PWP1: variants seen among roughly 807,000 people sequenced by gnomAD.
PWP1 encodes periodic tryptophan protein 1 homolog.
Under a neutral mutation model 69.9 loss-of-function variants are expected in PWP1, and 47 were observed. The observed-to-expected ratio is 0.67, with a 90% confidence interval of 0.53 to 0.86. The LOEUF is 0.86. PWP1 is among the 40% of genes least tolerant of loss of function. PWP1 has a pLI of 0.00. For missense variants in PWP1, 551 were observed against 608.8 expected (o/e 0.91, Z 1.00); for synonymous variants, 222 against 208.2 (o/e 1.07, Z -0.57).
chr12:107,703,856 G>T, intron 10 of PWP1, 110 bp downstream of exon 10: 1 of 987,416 alleles, frequency 1.0e-6, no homozygotes, highest in Admixed American at 2.0e-5. Context: ...CCACCTTTAT[G>T]TTTAAATTAT....
intron 13 of PWP1, among the ~76,000 whole-genome samples, chr12:107,710,030 T>C (rs1479577021): frequency 1.3e-5 from 2 of 152,180 alleles, no homozygotes; most frequent in African/African-American, 4.8e-5. Context: ...AAAACAAAGT[T>C]TAAAAATGAT....
intron 8 of PWP1, among the ~76,000 whole-genome samples, chr12:107,699,711 A>C (rs150864562): frequency 6.6e-6 from 1 of 152,204 alleles, no homozygotes; most frequent in Non-Finnish European, 1.5e-5. Flanking sequence ...GGCAGTGCCC[A>C]TGGTGCAGTA....
Position 107,709,174 on chromosome 12 carries a change from A to G in PWP1, c.1232A>G (p.Lys411Arg), listed in dbSNP as rs1239082432. The change falls in exon 13 of 15, where the codon AAG (lysine) becomes AGG (arginine). Residue 411 changes from lysine to arginine, a missense_variant. By Grantham distance (26) the Lys-to-Arg change is conservative. Transcript: ENST00000412830. ...LVTASADKYV[K>R]IWDILGDRPS... ...ACTGCTTCAGCTGACAAATACGTGA[A>G]GATCTGGGACATCTTAGGAGATAGG... The G allele has an allele frequency of 1.9e-6, 3 of 1,613,858 alleles. No individual in the cohort carries two copies. Among genetic ancestry groups the G allele is most frequent in the Non-Finnish European group, 2.5e-6 (3 of 1,179,878 alleles).
intron 5 of PWP1, among the ~76,000 whole-genome samples, chr12:107,693,593 C>T (rs558071340): frequency 2.0e-5 from 3 of 152,038 alleles, no homozygotes; most frequent in South Asian, 2.1e-4. Context: ...AGGCTGGGTG[C>T]GGTGTCTCAC....
At chr12:107,705,029 A>C (rs886713219) in intron 11 of PWP1, among the ~76,000 whole-genome samples, 1 of 152,112 alleles carries the variant, frequency 6.6e-6, no homozygotes, top group Non-Finnish European at 1.5e-5. Context: ...TTGAAATACT[A>C]AGCATAGTTA....
intron 11 of PWP1, among the ~76,000 whole-genome samples, chr12:107,707,298 T>A (rs1434459390): frequency 1.3e-5 from 2 of 152,222 alleles, no homozygotes; most frequent in East Asian, 3.8e-4. Flanking sequence ...GATTTTGGGC[T>A]GAGACAATGG....
chr12:107,692,313 A>T (rs775169683), intron 3 of PWP1, among the ~76,000 whole-genome samples: 1 of 152,248 alleles, frequency 6.6e-6, no homozygotes, highest in African/African-American at 2.4e-5. Context: ...TTCTTTTTTC[A>T]TATGCCAATA....
intron 3 of PWP1, among the ~76,000 whole-genome samples, chr12:107,691,376 G>A (rs1889476960): frequency 6.6e-6 from 1 of 152,208 alleles, no homozygotes; most frequent in African/African-American, 2.4e-5. Context: ...AGCAATCTGT[G>A]TGTTCTCTGT....
At chr12:107,690,906 T>G (rs986569518) in intron 3 of PWP1, among the ~76,000 whole-genome samples, 4 of 152,176 alleles carry the variant, frequency 2.6e-5, no homozygotes, top group Admixed American at 6.5e-5. Flanking sequence ...CTGTGGGGTA[T>G]CTGGAAGAGC....
rs187526943 is a variant in PWP1 at position 107,708,408 on chromosome 12, G to C, written c.1078-518G>C. Among the ~76,000 whole-genome samples the C allele has an allele frequency of 2.3e-4, 35 of 152,142 alleles. No individual in the cohort carries two copies. The East Asian group carries it at 2.9e-3, about 13-fold the overall frequency. On this transcript the variant is annotated intron_variant, in intron 11 of 14. Transcript: ENST00000412830. ...GTCTCCCATTTTTGGCTCTGTATCT[G>C]TCTCTTAATTCCTTCATTTCTTCTT... is the stretch of plus-strand genomic sequence containing the variant.
Position 107,699,435 on chromosome 12 carries a change from G to T in PWP1, c.806+1G>T. ...ACCTTTCATGGAATAAGCTAATCAG[G>T]TAAAAAGAAATAACATTTGAATGAT... is the stretch of plus-strand genomic sequence containing the variant. On this transcript the variant is annotated splice_donor_variant, in intron 8 of 14. Coordinates refer to ENST00000412830, the MANE Select transcript of PWP1 (RefSeq NM_007062.3). LOFTEE classifies it high-confidence loss of function. The T allele has an allele frequency of 6.2e-7, 1 of 1,609,328 alleles. No individual in the cohort carries two copies. Among genetic ancestry groups the T allele is most frequent in the Non-Finnish European group, 8.5e-7 (1 of 1,175,834 alleles).
At chr12:107,709,279 C>T in intron 13 of PWP1, 47 bp downstream of exon 13, 2 of 1,582,764 alleles carry the variant, frequency 1.3e-6, no homozygotes, top group South Asian at 2.3e-5. Context: ...CTGTTTCTGA[C>T]CTTGTCTTTT....
intron 5 of PWP1, among the ~76,000 whole-genome samples, chr12:107,696,167 G>A (rs1889582275): frequency 6.6e-6 from 1 of 151,422 alleles, no homozygotes; most frequent in Non-Finnish European, 1.5e-5. Context: ...CTAGTAGCTG[G>A]GACTACAGGC....
chr12:107,688,599 C>G lies in PWP1; in HGVS notation c.132-16C>G. 1 of 1,611,176 alleles carries G rather than the reference C, an allele frequency of 6.2e-7. No individual in the cohort carries two copies. The highest frequency in any genetic ancestry group is 8.5e-7 in the Non-Finnish European group (1 of 1,178,168). Reference sequence around the variant, plus strand: ...GTAGCATTTGGGTGATTCTCTTTTTCTTTCTGTGCTCATAGAGAAGAAGGT... The same window carrying G: ...GTAGCATTTGGGTGATTCTCTTTTTGTTTCTGTGCTCATAGAGAAGAAGGT... On this transcript the variant is annotated splice_polypyrimidine_tract_variant and intron_variant, in intron 2 of 14. Transcript: ENST00000412830.
chr12:107,693,214 A>T (rs889001211), intron 5 of PWP1, 118 bp downstream of exon 5: 181 of 1,410,782 alleles, frequency 1.3e-4, no homozygotes, highest in Admixed American at 2.6e-4. Context: ...AGTTGGTTAC[A>T]TAGTTAACTT....
chr12:107,707,602 T>C (rs1889848938), intron 11 of PWP1, among the ~76,000 whole-genome samples: 1 of 152,236 alleles, frequency 6.6e-6, no homozygotes, highest in Non-Finnish European at 1.5e-5. Flanking sequence ...AGTTTTAGCA[T>C]GAAGGGCTGT....
In PWP1 at chr12:107,692,989, C is replaced by G. The variant is rs764207565; in HGVS notation, c.406-11C>G. ...GCTTCTAGTCAATGACATTTTTTTC[C>G]TCTCACTTAGGAACAATATGAACGT... is the stretch of plus-strand genomic sequence containing the variant. On this transcript the variant is annotated splice_polypyrimidine_tract_variant and intron_variant, in intron 4 of 14. Transcript: ENST00000412830. 1.2e-6 allele frequency: 2 copies of G among 1,612,568 alleles called. No individual in the cohort carries two copies. Among genetic ancestry groups the G allele is most frequent in the Non-Finnish European group, 1.7e-6 (2 of 1,179,608 alleles).
intron 11 of PWP1, among the ~76,000 whole-genome samples, chr12:107,708,196 C>T (rs574020904): frequency 6.6e-6 from 1 of 152,236 alleles, no homozygotes; most frequent in Admixed American, 6.5e-5. Flanking sequence ...ATATTAGAAT[C>T]CCAAATATTT....
chr12:107,694,135 T>C (rs1372467986), intron 5 of PWP1, among the ~76,000 whole-genome samples: 4 of 152,236 alleles, frequency 2.6e-5, no homozygotes, highest in Non-Finnish European at 5.9e-5. Context: ...GTGTTTTTAA[T>C]GTAAAATCTG....
Sources: gnomAD v4.1 joint callset for allele counts (sites outside exome capture counted in the v4.1 genomes callset) on GRCh38, gnomAD v4.1.1 for gene constraint, MANE v1.5 for transcripts, NCBI Gene and HGNC (gene_info 2026-07-23, HGNC 2026-07-21) for gene names.